Variants in THRB observed in about 807,000 individuals in gnomAD.
THRB encodes nuclear receptor subfamily 1 group A member 2.
THRB carries 12 observed loss-of-function variants against 47.8 expected under a neutral mutation model. The ratio of observed to expected loss-of-function variants is 0.25; its 90% CI spans 0.16 to 0.41. The LOEUF is 0.41. THRB is among the 10% of genes least tolerant of loss of function. The pLI, the probability that THRB is intolerant of heterozygous loss-of-function variation, is 1.00. For missense variants in THRB, 348 were observed against 589.2 expected (o/e 0.59, Z 4.24); for synonymous variants, 218 against 212.2 (o/e 1.03, Z -0.24).
intron 1 of THRB, among the ~76,000 whole-genome samples, chr3:24,439,747 T>C (rs895361954): frequency 6.6e-6 from 1 of 152,204 alleles, no homozygotes; most frequent in Non-Finnish European, 1.5e-5. Context: ...TTCACCAAAG[T>C]GATGAAAAAT....
intron 4 of THRB, among the ~76,000 whole-genome samples, chr3:24,208,742 A>C (rs2045682036): frequency 6.6e-6 from 1 of 152,236 alleles, no homozygotes; most frequent in Non-Finnish European, 1.5e-5. Flanking sequence ...AAACCATAAA[A>C]ACCCTAGAAG....
chr3:24,482,188 T>C (rs1489530349), intron 1 of THRB, among the ~76,000 whole-genome samples: 1 of 152,242 alleles, frequency 6.6e-6, no homozygotes, highest in African/African-American at 2.4e-5. Flanking sequence ...ACAAAATTAA[T>C]TTTACTACTT....
At chr3:24,247,821 T>C (rs2050254827) in intron 3 of THRB, among the ~76,000 whole-genome samples, 1 of 152,172 alleles carries the variant, frequency 6.6e-6, no homozygotes, top group East Asian at 1.9e-4. Context: ...CTAAGAATTT[T>C]CTACAATTTT....
intron 5 of THRB, among the ~76,000 whole-genome samples, chr3:24,176,358 C>G (rs1371089686): frequency 6.6e-6 from 1 of 152,130 alleles, no homozygotes; most frequent in Non-Finnish European, 1.5e-5. Context: ...ATAATTTTGA[C>G]ATTTAACAGC....
chr3:24,447,943 G>A (rs1262866363), intron 1 of THRB, among the ~76,000 whole-genome samples: 2 of 152,092 alleles, frequency 1.3e-5, no homozygotes, highest in South Asian at 2.1e-4. Context: ...TAGTCATCAC[G>A]ACCACTTCAT....
chr3:24,397,646 G>T (rs1283732704), intron 1 of THRB, among the ~76,000 whole-genome samples: 3 of 150,874 alleles, frequency 2.0e-5, no homozygotes, highest in African/African-American at 7.3e-5. Flanking sequence ...TGTCGCCCAG[G>T]CTGGAGTGCA....
chr3:24,291,920 A>G (rs1352230243), intron 3 of THRB, among the ~76,000 whole-genome samples: 5 of 152,188 alleles, frequency 3.3e-5, no homozygotes, highest in Non-Finnish European at 7.3e-5. Flanking sequence ...ATGTATATAT[A>G]TATGTTCATT....
At chr3:24,325,800 C>T (rs976648202) in intron 2 of THRB, among the ~76,000 whole-genome samples, 1 of 152,068 alleles carries the variant, frequency 6.6e-6, no homozygotes, top group African/African-American at 2.4e-5. Context: ...TGTTAGTGTG[C>T]CAAATGTTTG....
intron 10 of THRB, among the ~76,000 whole-genome samples, chr3:24,126,460 G>A (rs1256906995): frequency 1.3e-5 from 2 of 152,112 alleles, no homozygotes; most frequent in Non-Finnish European, 2.9e-5. Context: ...ACTTGTGACC[G>A]ATATTTTATC....
chr3:24,442,832 A>AT (rs2071673959), intron 1 of THRB, among the ~76,000 whole-genome samples: 3 of 151,394 alleles, frequency 2.0e-5, no homozygotes, highest in Non-Finnish European at 2.9e-5. Context: ...CTCAAAAAAA[A>AT]AAAAAAAACA....
intron 4 of THRB, among the ~76,000 whole-genome samples, chr3:24,221,966 CCTT>C (rs1185944402): frequency 6.6e-6 from 1 of 152,198 alleles, no homozygotes; most frequent in Non-Finnish European, 1.5e-5. Context: ...GAGGACCAGT[CCTT>C]CTTCATGTAG....
intron 1 of THRB, chr3:24,459,584 T>C (rs989361484): frequency 3.9e-5 from 6 of 152,218 alleles, no homozygotes; most frequent in African/African-American, 1.4e-4. Context: ...CCACCAACAG[T>C]GTGAAAGCGT....
chr3:24,375,534 G>C (rs1422694881), intron 1 of THRB, among the ~76,000 whole-genome samples: 2 of 145,982 alleles, frequency 1.4e-5, no homozygotes, highest in Non-Finnish European at 3.0e-5. Context: ...TAATATATTA[G>C]TTAGACATAT....
At chr3:24,298,145 A>G (rs2056602392) in intron 2 of THRB, among the ~76,000 whole-genome samples, 1 of 152,234 alleles carries the variant, frequency 6.6e-6, no homozygotes, top group Non-Finnish European at 1.5e-5. Context: ...AAGACTACAT[A>G]GAGGATATTT....
chr3:24,297,540 T>G (rs1300148358), intron 2 of THRB, among the ~76,000 whole-genome samples, 169 bp from the exon 3 acceptor site: 1 of 152,214 alleles, frequency 6.6e-6, no homozygotes. Context: ...AAATGCATAC[T>G]CATTACAGAA....
intron 2 of THRB, among the ~76,000 whole-genome samples, chr3:24,310,252 G>GT (rs2057661976): frequency 6.6e-6 from 1 of 152,030 alleles, no homozygotes; most frequent in African/African-American, 2.4e-5. Context: ...CTTATATATT[G>GT]TTTTCTATCT....
At chr3:24,176,850 T>C (rs2596620) in intron 5 of THRB, among the ~76,000 whole-genome samples, 25,801 of 152,100 alleles carry the variant, frequency 0.17, 2,439 homozygotes, top group Admixed American at 0.28. Flanking sequence ...GGAAATGTTC[T>C]AAAATAAGAT....
intron 1 of THRB, among the ~76,000 whole-genome samples, chr3:24,392,589 A>G (rs1240967227): frequency 6.6e-6 from 1 of 152,138 alleles, no homozygotes; most frequent in Non-Finnish European, 1.5e-5. Flanking sequence ...ATTACTCTTC[A>G]TGGATTCTTT....
chr3:24,196,339 AAAAAAT>A (rs1244985130), intron 4 of THRB, among the ~76,000 whole-genome samples: 48 of 152,306 alleles, frequency 3.2e-4, no homozygotes, highest in African/African-American at 9.4e-4. Flanking sequence ...AGAGAGGCCA[AAAAAAT>A]AAAAATAAAA....
Sources: gnomAD v4.1 joint callset for allele counts (sites outside exome capture counted in the v4.1 genomes callset) on GRCh38, gnomAD v4.1.1 for gene constraint, MANE v1.5 for transcripts, NCBI Gene and HGNC (gene_info 2026-07-23, HGNC 2026-07-21) for gene names.